MYLK4: variants seen among roughly 807,000 people sequenced by gnomAD.
MYLK4 encodes caMLCK like.
Under a neutral mutation model 48.1 loss-of-function variants are expected in MYLK4, and 46 were observed. The observed-to-expected ratio is 0.96, with a 90% CI of 0.75 to 1.22. MYLK4 has a LOEUF of 1.22. Ranked by LOEUF, MYLK4 falls within the 50% of genes most tolerant of loss-of-function variation. The probability of loss-of-function intolerance (pLI) is 0.00; values close to 1 mark genes in which losing one functional copy is unlikely to be tolerated. For synonymous variants in MYLK4, 170 were observed against 180.8 expected (o/e 0.94, Z 0.48); for missense variants, 451 against 486.1 (o/e 0.93, Z 0.68).
At chr6:2,733,416 C>A (rs1030509922) in intron 2 of MYLK4, among the ~76,000 whole-genome samples, 4 of 152,114 alleles carry the variant, frequency 2.6e-5, no homozygotes, top group Non-Finnish European at 4.4e-5. Flanking sequence ...ACCTCAGAAA[C>A]CAACCAAGCA....
In MYLK4 at chr6:2,736,050, T is replaced by C. The variant is rs1561876356; in HGVS notation, c.159+13086A>G. Among the ~76,000 whole-genome samples, 6 of 152,146 alleles carry C rather than the reference T, an allele frequency of 3.9e-5. 1 individual carries two copies. ...TGGGCCTGTTTGATATCAAAGTCCATCATCAGTCCACCCTAAACCAGCACG... is the reference window on the plus strand; with the variant it reads ...TGGGCCTGTTTGATATCAAAGTCCACCATCAGTCCACCCTAAACCAGCACG... On this transcript the variant is annotated intron_variant, in intron 2 of 12. Coordinates refer to ENST00000274643, the MANE Select transcript of MYLK4 (RefSeq NM_001012418.5).
At chr6:2,683,285 T>C (rs1761387872) in intron 6 of MYLK4, 123 bp from the exon 7 acceptor site, 1 of 1,028,104 alleles carries the variant, frequency 9.7e-7, no homozygotes. Flanking sequence ...CAGTTATTTC[T>C]CTGCCTTCTT....
chr6:2,704,503 A>G (rs1762416548), intron 2 of MYLK4, among the ~76,000 whole-genome samples: 2 of 152,224 alleles, frequency 1.3e-5, no homozygotes, highest in Admixed American at 6.5e-5. Flanking sequence ...TCTTAGACCT[A>G]CTAAAAATCA....
Position 2,747,730 on chromosome 6 carries a change from A to G in MYLK4, c.159+1406T>C, listed in dbSNP as rs186995308. ...TGGAGAAAAACAGTACTTGAAAGAT[A>G]ATGAAATTCATATAAACTATTACAG... is the stretch of plus-strand genomic sequence containing the variant. On this transcript the variant is annotated intron_variant, in intron 2 of 12. Transcript: ENST00000274643. Among the ~76,000 whole-genome samples, 90 of 152,320 alleles carry G rather than the reference A, an allele frequency of 5.9e-4. 1 individual carries two copies. The highest frequency in any genetic ancestry group is 5.9e-3 in the Admixed American group (90 of 15,300).
intron 2 of MYLK4, among the ~76,000 whole-genome samples, chr6:2,734,168 C>T (rs943564188): frequency 5.3e-5 from 8 of 152,314 alleles, no homozygotes; most frequent in South Asian, 2.1e-4. Context: ...CCCTTGCTAG[C>T]GGGCACCTGC....
At chr6:2,742,573 A>G (rs1763933990) in intron 2 of MYLK4, among the ~76,000 whole-genome samples, 2 of 151,584 alleles carry the variant, frequency 1.3e-5, no homozygotes, top group South Asian at 4.2e-4. Context: ...TTGTAGGGAC[A>G]TGGATGAAAT....
the MYLK4 span, chr6:2,765,777 C>T: frequency 2.4e-5 from 35 of 1,442,512 alleles, no homozygotes; most frequent in Non-Finnish European, 2.6e-5. Context: ...GAGCCCGCGG[C>T]CGGGTCGCAC....
At chr6:2,718,181 AAAAAAAAAAAAAAAAAAAAAG>A (rs1371646939) in intron 2 of MYLK4, among the ~76,000 whole-genome samples, 1 of 10,360 alleles carries the variant, frequency 9.7e-5, no homozygotes, top group Non-Finnish European at 2.0e-4. Context: ...CTCTGTCTCA[AAAAAAAAAAAAAAAAAAAAAG>A]AAAAAGAGAA....
At chr6:2,691,985 C>T (rs962743119) in intron 3 of MYLK4, among the ~76,000 whole-genome samples, 12 of 152,184 alleles carry the variant, frequency 7.9e-5, no homozygotes, top group Admixed American at 4.6e-4. Flanking sequence ...CCCTACCTTT[C>T]GTGAAATTGG....
At chr6:2,676,216 A>G (rs547540237) in intron 10 of MYLK4, among the ~76,000 whole-genome samples, 7 of 152,268 alleles carry the variant, frequency 4.6e-5, no homozygotes. Context: ...GATTGCTTCA[A>G]TGCAATCGCT....
intron 2 of MYLK4, among the ~76,000 whole-genome samples, chr6:2,737,122 G>A (rs1763708267): frequency 6.6e-6 from 1 of 152,160 alleles, no homozygotes; most frequent in South Asian, 2.1e-4. Context: ...AGACCATCCT[G>A]GCCAACATGG....
the MYLK4 span, among the ~76,000 whole-genome samples, chr6:2,762,960 T>TAATGCAAAA: frequency 6.6e-6 from 1 of 152,074 alleles, no homozygotes; most frequent in Admixed American, 6.5e-5. Context: ...AAACACCAGC[T>TAATGCAAAA]AATGCAAAAA....
At chr6:2,692,515 C>A (rs1254890780) in intron 3 of MYLK4, among the ~76,000 whole-genome samples, 2 of 151,264 alleles carry the variant, frequency 1.3e-5, no homozygotes, top group African/African-American at 4.9e-5. Context: ...GCATCTTTAT[C>A]CAGGTTTCTT....
Position 2,683,163 on chromosome 6 carries a change from C to G in MYLK4, c.546-1G>C. The G allele has an allele frequency of 6.2e-7, 1 of 1,614,144 alleles. No individual in the cohort carries two copies. The highest frequency in any genetic ancestry group is 8.5e-7 in the Non-Finnish European group (1 of 1,180,020). ...GTCAAACAGCTCCCCACCATCCACACTGCAGAGGGAAGAGGACTGAAACCC... is the reference window on the plus strand; with the variant it reads ...GTCAAACAGCTCCCCACCATCCACAGTGCAGAGGGAAGAGGACTGAAACCC... On this transcript the variant is annotated splice_acceptor_variant, in intron 6 of 12. Coordinates refer to ENST00000274643, the MANE Select transcript of MYLK4 (RefSeq NM_001012418.5). LOFTEE classifies it high-confidence loss of function.
intron 12 of MYLK4, among the ~76,000 whole-genome samples, chr6:2,670,505 G>T (rs1450750050): frequency 1.3e-5 from 2 of 152,204 alleles, no homozygotes; most frequent in Non-Finnish European, 2.9e-5. Context: ...CTGACTTGCT[G>T]CAGGGTCTAG....
chr6:2,705,915 G>A (rs1318046412), intron 2 of MYLK4, among the ~76,000 whole-genome samples: 1 of 80,134 alleles, frequency 1.2e-5, no homozygotes, highest in South Asian at 4.4e-4. Context: ...ATTTGAATTC[G>A]GGGGAAAAAA....
chr6:2,766,137 GC>G, the MYLK4 span: 1 of 1,241,114 alleles, frequency 8.1e-7, no homozygotes, highest in Non-Finnish European at 1.0e-6. Flanking sequence ...GTGGGCGACG[GC>G]GATGGCGACG....
upstream of MYLK4, among the ~76,000 whole-genome samples, chr6:2,752,469 G>C (rs1026878456): frequency 6.6e-6 from 1 of 151,962 alleles, no homozygotes; most frequent in Admixed American, 6.6e-5. Context: ...GAATCAGTAG[G>C]ATTTATGATA....
intron 2 of MYLK4, among the ~76,000 whole-genome samples, chr6:2,728,738 C>T (rs1361593663): frequency 6.6e-6 from 1 of 152,206 alleles, no homozygotes; most frequent in Non-Finnish European, 1.5e-5. Flanking sequence ...AACCTGGAAA[C>T]CAAGCACATT....
Sources: gnomAD v4.1 joint callset for allele counts (sites outside exome capture counted in the v4.1 genomes callset) on GRCh38, gnomAD v4.1.1 for gene constraint, MANE v1.5 for transcripts, NCBI Gene and HGNC (gene_info 2026-07-23, HGNC 2026-07-21) for gene names.